Variants in PTPRK observed in about 807,000 individuals in gnomAD.
PTPRK encodes protein tyrosine phosphatase receptor type K.
Under a neutral mutation model 178.0 loss-of-function variants are expected in PTPRK, and 75 were observed. The ratio of observed to expected loss-of-function variants is 0.42; its 90% CI spans 0.35 to 0.51. The LOEUF (loss-of-function observed/expected upper bound fraction) is 0.51, where lower values mean the gene tolerates loss of function less well. Ranked by LOEUF, PTPRK falls within the 20% of genes least tolerant of loss-of-function variation. The pLI is 0.02. For synonymous variants in PTPRK, 637 were observed against 620.6 expected, an observed-to-expected ratio of 1.03 and a Z score of -0.39; for missense variants, 1,441 against 1,797.8, an observed-to-expected ratio of 0.80 and a Z score of 3.59.
rs545262770 is a variant in PTPRK at position 128,335,545 on chromosome 6, G to T, written c.224-13235C>A. ...GAAATAAGTGCTTACACTTTAAAAT[G>T]TTAAGTTCTGAGAAGATGAAAGAAA... On this transcript the variant is annotated intron_variant, in intron 2 of 29. Coordinates refer to ENST00000368226, the MANE Select transcript of PTPRK (RefSeq NM_002844.4). Among the ~76,000 whole-genome samples, 6 of 151,774 alleles carry T rather than the reference G, an allele frequency of 4.0e-5. No individual in the cohort carries two copies. The East Asian group carries it at 9.7e-4, about 25-fold the overall frequency.
chr6:128,432,513 G>C (rs923119771), intron 1 of PTPRK, among the ~76,000 whole-genome samples: 1 of 152,056 alleles, frequency 6.6e-6, no homozygotes, highest in Non-Finnish European at 1.5e-5. Flanking sequence ...AATCATTTAG[G>C]CCCTTTACAA....
intron 3 of PTPRK, among the ~76,000 whole-genome samples, chr6:128,274,933 T>C (rs762047075): frequency 1.3e-5 from 2 of 152,058 alleles, no homozygotes; most frequent in Non-Finnish European, 2.9e-5. Flanking sequence ...TTCAATAGAA[T>C]CCTGTTTGAA....
At chr6:128,164,097 C>A (rs116899453) in intron 7 of PTPRK, among the ~76,000 whole-genome samples, 1 of 151,460 alleles carries the variant, frequency 6.6e-6, no homozygotes, top group East Asian at 1.9e-4. Context: ...TAGAAGATAC[C>A]CCAGCACCAA....
intron 2 of PTPRK, among the ~76,000 whole-genome samples, chr6:128,397,330 A>G (rs774548144): frequency 2.3e-4 from 35 of 151,464 alleles, no homozygotes; most frequent in Non-Finnish European, 4.6e-4. Flanking sequence ...TTGGGTTTTT[A>G]TTAAATAGAA....
chr6:128,136,096 G>T (rs569207077), intron 7 of PTPRK, among the ~76,000 whole-genome samples: 1 of 152,206 alleles, frequency 6.6e-6, no homozygotes, highest in East Asian at 1.9e-4. Flanking sequence ...AGAGATATCT[G>T]GGATGTGAAC....
intron 1 of PTPRK, among the ~76,000 whole-genome samples, chr6:128,468,118 C>A (rs1172223547): frequency 6.6e-6 from 1 of 152,162 alleles, no homozygotes; most frequent in Non-Finnish European, 1.5e-5. Flanking sequence ...CAACGCGTGG[C>A]AATTAGTGGA....
chr6:128,205,804 A>AAAAAAAAAC (rs1213463551), intron 6 of PTPRK, among the ~76,000 whole-genome samples: 1 of 150,538 alleles, frequency 6.6e-6, no homozygotes, highest in African/African-American at 2.4e-5. Context: ...AAAAAAAAAA[A>AAAAAAAAAC]ATTCAAGTTA....
chr6:128,396,430 C>T (rs1262577065), intron 2 of PTPRK, among the ~76,000 whole-genome samples: 7 of 151,018 alleles, frequency 4.6e-5, no homozygotes, highest in African/African-American at 1.7e-4. Context: ...TGTTCTCTTT[C>T]ATGTTGTATT....
intron 3 of PTPRK, among the ~76,000 whole-genome samples, chr6:128,280,484 G>GT (rs1177879098): frequency 6.6e-6 from 1 of 152,102 alleles, no homozygotes; most frequent in Non-Finnish European, 1.5e-5. Context: ...AGCTTCAAAG[G>GT]TAACTTGCAT....
At chr6:128,309,913 T>C (rs575336755) in intron 3 of PTPRK, among the ~76,000 whole-genome samples, 1 of 152,144 alleles carries the variant, frequency 6.6e-6, no homozygotes, top group Non-Finnish European at 1.5e-5. Context: ...ACTGTCTTTC[T>C]AGTAGAGGTA....
intron 2 of PTPRK, among the ~76,000 whole-genome samples, chr6:128,336,489 C>T (rs754520128): frequency 1.3e-5 from 2 of 152,152 alleles, no homozygotes; most frequent in South Asian, 4.1e-4. Flanking sequence ...TAATTTTTCT[C>T]TTACAGGAGG....
Position 127,973,932 on chromosome 6 carries a change from G to A in PTPRK, c.3970-105C>T. 3 of 1,083,144 alleles carry A rather than the reference G, an allele frequency of 2.8e-6. No homozygotes were observed. The East Asian group carries it at 7.8e-5, about 28-fold the overall frequency. 67.1% of individuals were successfully genotyped at this position (1,083,144 alleles called of 1,614,324 possible). A position where few individuals can be genotyped will look rare whatever the true frequency, so the allele number is the denominator to read the frequency against. The stretch of plus-strand genomic sequence containing the variant: ...ATACAAATGGCATCTACACTGGATT[G>A]AGTCTAGCTGATATAAATCCTCAAT... On this transcript the variant is annotated intron_variant, in intron 27 of 29. Coordinates refer to ENST00000368226, the MANE Select transcript of PTPRK (RefSeq NM_002844.4).
intron 7 of PTPRK, among the ~76,000 whole-genome samples, chr6:128,130,051 A>G (rs1415312232): frequency 6.6e-6 from 1 of 152,162 alleles, no homozygotes; most frequent in East Asian, 1.9e-4. Flanking sequence ...AGAATAATAC[A>G]GTTAGAGTTA....
intron 13 of PTPRK, among the ~76,000 whole-genome samples, chr6:128,011,860 G>A (rs184938568): frequency 6.6e-6 from 1 of 151,130 alleles, no homozygotes; most frequent in East Asian, 2.0e-4. Context: ...ACAAAGCATT[G>A]AGACTTTCAT....
intron 3 of PTPRK, among the ~76,000 whole-genome samples, chr6:128,265,229 A>G (rs1318212288): frequency 6.6e-6 from 1 of 152,176 alleles, no homozygotes; most frequent in Admixed American, 6.6e-5. Context: ...CCTACTCCGT[A>G]TATCATCATA....
intron 2 of PTPRK, among the ~76,000 whole-genome samples, chr6:128,330,002 A>C (rs1830060841): frequency 6.6e-6 from 1 of 152,188 alleles, no homozygotes; most frequent in Admixed American, 6.5e-5. Flanking sequence ...TCTGGAGACC[A>C]TCTTGAATAG....
chr6:127,983,164 T>C lies in PTPRK; in HGVS notation c.3387+78A>G, dbSNP rs371284859. On this transcript the variant is annotated intron_variant, in intron 23 of 29. Transcript: ENST00000368226. ...ACATCTCTTTCGGTTGAGTAGAGTA[T>C]ATATGAGAGACATCTACTCTTTGTT... 47 of 1,360,764 alleles carry C rather than the reference T, an allele frequency of 3.5e-5. No homozygotes were observed. The East Asian group carries it at 4.5e-4, about 13-fold the overall frequency. The allele number at this position is 1,360,764 out of a possible 1,614,324, so 84.3% of individuals were successfully genotyped here. A position where few individuals can be genotyped will look rare whatever the true frequency, so the allele number is the denominator to read the frequency against.
At chr6:128,452,890 T>C (rs1847962430) in intron 1 of PTPRK, among the ~76,000 whole-genome samples, 1 of 152,204 alleles carries the variant, frequency 6.6e-6, no homozygotes, top group Non-Finnish European at 1.5e-5. Flanking sequence ...ACTCTTCCTC[T>C]GCCCAGTCAG....
chr6:128,306,926 T>C (rs529082870), intron 3 of PTPRK, among the ~76,000 whole-genome samples: 1 of 152,080 alleles, frequency 6.6e-6, no homozygotes, highest in South Asian at 2.1e-4. Context: ...ATTTCGGAGG[T>C]CTGAGGTTCA....
Sources: allele counts gnomAD v4.1 joint callset (sites outside exome capture counted in the v4.1 genomes callset), GRCh38; gene constraint gnomAD v4.1.1; transcripts MANE v1.5; gene names NCBI Gene and HGNC (gene_info 2026-07-23, HGNC 2026-07-21).